Variants in AMHR2 observed in about 807,000 individuals in gnomAD.
AMHR2 encodes anti-Mullerian hormone receptor type 2, also known as anti-Muellerian hormone type-2 receptor.
A neutral mutation model predicts 61.4 loss-of-function variants in AMHR2; 36 were observed. The observed-to-expected ratio is 0.59, with a 90% CI of 0.45 to 0.77. The LOEUF (loss-of-function observed/expected upper bound fraction) is 0.77. AMHR2 is among the 30% of genes least tolerant of loss of function. AMHR2 has a pLI of 0.00. For missense variants in AMHR2, 638 were observed against 714.6 expected, an observed-to-expected ratio of 0.89 and a Z score of 1.22; for synonymous variants, 258 against 279.4, an observed-to-expected ratio of 0.92 and a Z score of 0.76.
At chr12:53,424,970 G>A in intron 3 of AMHR2, 70 bp downstream of exon 3, 2 of 1,565,076 alleles carry the variant, frequency 1.3e-6, no homozygotes, top group Non-Finnish European at 1.7e-6. Context: ...TGGAACCAGG[G>A]CCAGTTCTCA....
rs373222392 is a variant in AMHR2 at position 53,424,691 on chromosome 12, C to G, written c.233-18C>G. On this transcript the variant is annotated intron_variant, in intron 2 of 10. Transcript: ENST00000257863. ...TGCCCCCCCTTTCTCTCCTCTTCCC[C>G]TAATCCCATCCCATCAGGATGCCGA... 7 of 1,612,554 alleles carry G rather than the reference C, an allele frequency of 4.3e-6. No individual in the cohort carries two copies. In the African/African-American group the frequency reaches 6.7e-5, roughly 15 times the overall value.
At chr12:53,430,575 C>T in intron 10 of AMHR2, 1 of 509,270 alleles carries the variant, frequency 2.0e-6, no homozygotes, top group Non-Finnish European at 3.6e-6. Context: ...TCCTCAGTCC[C>T]CTTCTCCAGG....
chr12:53,424,980 A>T, intron 3 of AMHR2, 80 bp downstream of exon 3: 1 of 1,555,410 alleles, frequency 6.4e-7, no homozygotes, highest in Non-Finnish European at 8.8e-7. Flanking sequence ...GCCAGTTCTC[A>T]CCCTACTCCC....
At chr12:53,424,512 G>A (rs1336393958) in intron 2 of AMHR2, 42 bp downstream of exon 2, 2 of 1,600,554 alleles carry the variant, frequency 1.2e-6, no homozygotes, top group Admixed American at 1.8e-5. Flanking sequence ...TAGGGTGGGA[G>A]ACAGACACAT....
chr12:53,430,534 GTC>G, intron 10 of AMHR2: 1 of 586,058 alleles, frequency 1.7e-6, no homozygotes, highest in Non-Finnish European at 3.0e-6. Flanking sequence ...TGCCCAGCCT[GTC>G]TCTCCTCTCT....
At position 53,425,764 on chromosome 12, in the gene AMHR2, C is replaced by A; in HGVS notation, c.697C>A (p.Pro233Thr). Residue 233 changes from proline to threonine, a missense_variant, in exon 6 of 11, where the codon CCA becomes ACA. Physicochemically the swap from Pro to Thr is conservative, Grantham distance 38 (BLOSUM62 -1). Coordinates refer to ENST00000257863, the MANE Select transcript of AMHR2 (RefSeq NM_020547.3). ...QGKLVAIKAF[P>T]PRSVAQFQAE... The stretch of plus-strand genomic sequence containing the variant: ...AAAACTGGTTGCCATCAAGGCCTTC[C>A]CACCGAGGTCTGTGGCTCAGTTCCA... 6.2e-7 allele frequency: 1 copy of A among 1,614,178 alleles called. No individual in the cohort carries two copies. The highest frequency in any genetic ancestry group is 8.5e-7 in the Non-Finnish European group (1 of 1,180,030).
intron 6 of AMHR2, among the ~76,000 whole-genome samples, chr12:53,426,202 C>T (rs748856354): frequency 1.3e-5 from 2 of 152,116 alleles, no homozygotes; most frequent in African/African-American, 4.8e-5. Context: ...TGGCAGTGCA[C>T]ACCTGTAGTC....
In AMHR2 at chr12:53,431,167, T is replaced by C; in HGVS notation, c.1426-10T>C. ...TAGGGTCAACCCTTCCTCCCTGTCA[T>C]TCCCCCCAGGACCCTGATGGGCTGA... is the stretch of plus-strand genomic sequence containing the variant. On this transcript the variant is annotated splice_polypyrimidine_tract_variant and intron_variant, in intron 10 of 10. Transcript: ENST00000257863. 6.2e-7 allele frequency: 1 copy of C among 1,613,942 alleles called. No homozygotes were observed. The highest frequency in any genetic ancestry group is 1.1e-5 in the South Asian group (1 of 91,082).
At chr12:53,427,184 G>A (rs974579323) in intron 6 of AMHR2, among the ~76,000 whole-genome samples, 3 of 152,060 alleles carry the variant, frequency 2.0e-5, no homozygotes, top group Non-Finnish European at 2.9e-5. Flanking sequence ...AGTGTCAAAT[G>A]TCAAGTGTGC....
intron 6 of AMHR2, among the ~76,000 whole-genome samples, chr12:53,426,351 C>T (rs1471362435): frequency 1.4e-5 from 2 of 143,808 alleles, no homozygotes; most frequent in Admixed American, 6.9e-5. Context: ...AGGCTGGGCA[C>T]GGTGGCAGAC....
intron 6 of AMHR2, among the ~76,000 whole-genome samples, 180 bp downstream of exon 6, chr12:53,426,099 G>A (rs1377134608): frequency 6.6e-6 from 1 of 152,206 alleles, no homozygotes; most frequent in East Asian, 1.9e-4. Flanking sequence ...GGGAGGCCAA[G>A]GTGGGTGGAT....
Position 53,425,956 on chromosome 12 carries a change from C to T in AMHR2, c.852+37C>T, listed in dbSNP as rs377740685. The T allele has an allele frequency of 2.7e-5, 42 of 1,572,998 alleles. No homozygotes were observed. The African/African-American group carries it at 3.0e-4, about 11-fold the overall frequency. ...GGAGTGTATATGTGTGTGTGTGTGC[C>T]TGTGTGTATGTATAGAGGTGGGGGC... On this transcript the variant is annotated intron_variant, in intron 6 of 10. Transcript: ENST00000257863.
At position 53,425,724 on chromosome 12, in the gene AMHR2, C is replaced by T. The variant is rs138904291; in HGVS notation, c.657C>T (p.Ala219=). The change falls in exon 6 of 11, where the codon GCC becomes GCT. Residue 219 remains alanine, a synonymous_variant. Coordinates refer to ENST00000257863, the MANE Select transcript of AMHR2 (RefSeq NM_020547.3). ...IREGGHAVVW[A]GQLQGKLVAI... ...AAGGAGGTCATGCAGTGGTTTGGGC[C>T]GGGCAGCTGCAAGGAAAACTGGTTG... The T allele has an allele frequency of 4.5e-5, 73 of 1,614,046 alleles. No individual in the cohort carries two copies. Among genetic ancestry groups the T allele is most frequent in the Admixed American group, 3.3e-4 (20 of 59,986 alleles).
intron 6 of AMHR2, among the ~76,000 whole-genome samples, chr12:53,426,982 CAAAAAA>C (rs929522833): frequency 1.4e-5 from 1 of 71,810 alleles, no homozygotes; most frequent in Non-Finnish European, 2.8e-5. Context: ...CGTGCCCAGC[CAAAAAA>C]AAAAAAAAAA....
Position 53,424,770 on chromosome 12 carries a change from C to T in AMHR2, c.294C>T (p.Ala98=), listed in dbSNP as rs1202463340. The part of the protein sequence containing the change: ...ESLHCDPSPR[A]HPSPGSTLFT... ...TCCACTGTGACCCAAGTCCCCGAGC[C>T]CACCCCAGCCCTGGCTCCACTCTCT... Residue 98 remains alanine, a synonymous_variant, in exon 3 of 11, where the codon GCC becomes GCT. Coordinates refer to ENST00000257863, the MANE Select transcript of AMHR2 (RefSeq NM_020547.3). The T allele has an allele frequency of 6.2e-7, 1 of 1,613,840 alleles. No homozygotes were observed. Among genetic ancestry groups the T allele is most frequent in the African/African-American group, 1.3e-5 (1 of 74,868 alleles).
Position 53,427,080 on chromosome 12 carries a change from A to T in AMHR2, c.852+1161A>T, listed in dbSNP as rs1487754229. On this transcript the variant is annotated intron_variant, in intron 6 of 10. Transcript: ENST00000257863. ...AACAAATAAGTATGAACTATATGTC[A>T]GGCACTATGCTAGAGGCCACAAAAA... Among the ~76,000 whole-genome samples, 3 of 152,174 alleles carry T rather than the reference A, an allele frequency of 2.0e-5. No homozygotes were observed. The South Asian group carries it at 6.2e-4, about 31-fold the overall frequency.
chr12:53,425,362 C>T (rs1187782562), intron 4 of AMHR2, 93 bp from the exon 5 acceptor site: 1 of 1,604,174 alleles, frequency 6.2e-7, no homozygotes, highest in Non-Finnish European at 8.5e-7. Flanking sequence ...TTCCCGGACT[C>T]CCATGACCTC....
At chr12:53,428,868 C>T in intron 6 of AMHR2, 28 bp from the exon 7 acceptor site, 1 of 1,508,666 alleles carries the variant, frequency 6.6e-7, no homozygotes, top group Non-Finnish European at 9.0e-7. Context: ...GCTTTGTGTA[C>T]CATCCTTTTC....
chr12:53,428,960 T>C lies in AMHR2; in HGVS notation c.917T>C (p.Leu306Pro). ...TGGGGAAGTTCCCTGCGGATGGCAC[T>C]GTCCCTGGCCCAGGGCCTGGCATTT... ...SDWGSSLRMA[L>P]SLAQGLAFLH... Residue 306 changes from leucine (L) to proline (P), a missense_variant, in exon 7 of 11, where the codon CTG becomes CCG. Leu to Pro is a moderately conservative substitution (Grantham distance 98). Coordinates refer to ENST00000257863, the MANE Select transcript of AMHR2 (RefSeq NM_020547.3). The C allele has an allele frequency of 4.5e-6, 7 of 1,551,640 alleles. No homozygotes were observed. The highest frequency in any genetic ancestry group is 6.1e-6 in the Non-Finnish European group (7 of 1,147,042).
Sources: gnomAD v4.1 joint callset for allele counts (sites outside exome capture counted in the v4.1 genomes callset) on GRCh38, gnomAD v4.1.1 for gene constraint, MANE v1.5 for transcripts, NCBI Gene and HGNC (gene_info 2026-07-23, HGNC 2026-07-21) for gene names.